The following LHFPL6 variants were observed in gnomAD, a reference collection of about 807,000 sequenced individuals.
The protein encoded by LHFPL6 is LHFPL tetraspan subfamily member 6.
A neutral mutation model predicts 20.6 loss-of-function variants in LHFPL6; 9 were observed. That is an observed-to-expected ratio of 0.44 (90% CI 0.26 to 0.76). LHFPL6 has a LOEUF of 0.76. Among genes scored for constraint, LHFPL6 ranks in the 30% least tolerant of loss-of-function variants. The probability of loss-of-function intolerance (pLI) is 0.20; values close to 1 mark genes in which losing one functional copy is unlikely to be tolerated. For synonymous variants in LHFPL6, 105 were observed against 98.7 expected (o/e 1.06, Z -0.38); for missense variants, 218 against 253.5 (o/e 0.86, Z 0.95).
At chr13:39,510,027 C>T (rs1044744375) in intron 2 of LHFPL6, among the ~76,000 whole-genome samples, 3 of 152,196 alleles carry the variant, frequency 2.0e-5, no homozygotes, top group Middle Eastern at 3.2e-3. Flanking sequence ...AAAATAGGCT[C>T]TAAGACAGAA....
intron 2 of LHFPL6, among the ~76,000 whole-genome samples, chr13:39,437,969 AC>A (rs903876498): frequency 2.6e-4 from 40 of 152,274 alleles, no homozygotes; most frequent in African/African-American, 9.4e-4. Flanking sequence ...CTATAAAGAT[AC>A]CTAAAAATGT....
At chr13:39,556,119 CTGT>C (rs1871296746) in intron 2 of LHFPL6, among the ~76,000 whole-genome samples, 1 of 152,176 alleles carries the variant, frequency 6.6e-6, no homozygotes, top group Non-Finnish European at 1.5e-5. Flanking sequence ...GCCATGTTTC[CTGT>C]ACAGCCAGCA....
At chr13:39,380,577 C>T (rs2138361588) in intron 2 of LHFPL6, among the ~76,000 whole-genome samples, 1 of 149,162 alleles carries the variant, frequency 6.7e-6, no homozygotes, top group East Asian at 2.0e-4. Context: ...GTGGTGCAAT[C>T]TAAGCTCACT....
At chr13:39,564,208 C>T (rs1274896143) in intron 2 of LHFPL6, among the ~76,000 whole-genome samples, 1 of 152,160 alleles carries the variant, frequency 6.6e-6, no homozygotes, top group Non-Finnish European at 1.5e-5. Flanking sequence ...CTGTTTAGTA[C>T]ACTCTGAATA....
At chr13:39,537,256 A>G (rs1302526770) in intron 2 of LHFPL6, among the ~76,000 whole-genome samples, 1 of 152,200 alleles carries the variant, frequency 6.6e-6, no homozygotes. Context: ...CGCACACCAC[A>G]CAAGTCCACG....
chr13:39,593,205 T>C (rs904760054), intron 2 of LHFPL6, among the ~76,000 whole-genome samples: 3 of 152,198 alleles, frequency 2.0e-5, no homozygotes, highest in African/African-American at 4.8e-5. Context: ...GATGATATGA[T>C]TGTATATCTA....
chr13:39,412,924 A>G (rs1871266289), intron 2 of LHFPL6, among the ~76,000 whole-genome samples: 1 of 149,994 alleles, frequency 6.7e-6, no homozygotes, highest in South Asian at 2.1e-4. Flanking sequence ...TCCCGTCTCA[A>G]AAAAAAAAAA....
At chr13:39,426,753 T>G (rs1315074553) in intron 2 of LHFPL6, among the ~76,000 whole-genome samples, 1 of 152,202 alleles carries the variant, frequency 6.6e-6, no homozygotes, top group Non-Finnish European at 1.5e-5. Context: ...AAGATAATGT[T>G]TTAATTTTAT....
Position 39,400,739 on chromosome 13 carries a change from C to T in LHFPL6, c.386-22213G>A, listed in dbSNP as rs956584464. On this transcript the variant is annotated intron_variant, in intron 2 of 3. Transcript: ENST00000379589. The stretch of plus-strand genomic sequence containing the variant: ...CGGAGCTTGCAGTGAGCCGAGATCC[C>T]GCCACTGCACTCCAGCCTGGGCGAC... Among the ~76,000 whole-genome samples the T allele has an allele frequency of 8.6e-5, 12 of 140,194 alleles. 1 individual carries two copies. The highest frequency in any genetic ancestry group is 4.7e-4 in the South Asian group (2 of 4,300). The allele number at this position is 140,194 out of a possible 152,430, so 92.0% of individuals were successfully genotyped here.
At chr13:39,599,117 C>T (rs968552028) in intron 2 of LHFPL6, among the ~76,000 whole-genome samples, 1 of 152,124 alleles carries the variant, frequency 6.6e-6, no homozygotes, top group Non-Finnish European at 1.5e-5. Context: ...CTTCATTACA[C>T]GTTTAAAGAT....
At chr13:39,527,361 T>C (rs1870322512) in intron 2 of LHFPL6, among the ~76,000 whole-genome samples, 1 of 152,130 alleles carries the variant, frequency 6.6e-6, no homozygotes, top group Admixed American at 6.5e-5. Context: ...GAAAATATCA[T>C]GTGATAAGCA....
In LHFPL6 at chr13:39,529,685, G is replaced by A. The variant is rs145589799; in HGVS notation, c.385+71147C>T. ...TCCAACACACAAATGGGGAATCTGG[G>A]ATTTAGAAAAATTAATTAACTTGCC... On this transcript the variant is annotated intron_variant, in intron 2 of 3. Transcript: ENST00000379589. Among the ~76,000 whole-genome samples, 1,133 of 152,312 alleles carry A rather than the reference G, an allele frequency of 7.4e-3. 11 individuals are homozygous for A. The highest frequency in any genetic ancestry group is 0.01 in the Non-Finnish European group (683 of 68,030).
In LHFPL6 at chr13:39,552,679, G is replaced by A. The variant is rs148563859; in HGVS notation, c.385+48153C>T. Among the ~76,000 whole-genome samples, 12 of 152,332 alleles carry A rather than the reference G, an allele frequency of 7.9e-5. No homozygotes were observed. The East Asian group carries it at 2.3e-3, about 29-fold the overall frequency. On this transcript the variant is annotated intron_variant, in intron 2 of 3. Coordinates refer to ENST00000379589, the MANE Select transcript of LHFPL6 (RefSeq NM_005780.3). The stretch of plus-strand genomic sequence containing the variant: ...TTAATAAGAATGATAGAGAAGAACT[G>A]TAGGGACCAAGCACACCTTGCCAAG...
chr13:39,463,270 C>T (rs1872728843), intron 2 of LHFPL6, among the ~76,000 whole-genome samples: 1 of 152,146 alleles, frequency 6.6e-6, no homozygotes, highest in African/African-American at 2.4e-5. Flanking sequence ...CTACCATCAA[C>T]CCTACAACTT....
chr13:39,505,498 A>G lies in LHFPL6; in HGVS notation c.385+95334T>C, dbSNP rs538610896. On this transcript the variant is annotated intron_variant, in intron 2 of 3. Coordinates refer to ENST00000379589, the MANE Select transcript of LHFPL6 (RefSeq NM_005780.3). ...TTCAGAGGAGATACGAGAACTGTCTAAAAAAAAAAAACACATGAAGGGCTT... is the reference window on the plus strand; with the variant it reads ...TTCAGAGGAGATACGAGAACTGTCTGAAAAAAAAAAACACATGAAGGGCTT... Among the ~76,000 whole-genome samples the G allele has an allele frequency of 2.8e-5, 4 of 143,396 alleles. No individual in the cohort carries two copies. In the South Asian group the frequency reaches 8.8e-4, roughly 31 times the overall value. The allele number at this position is 143,396 out of a possible 152,430, so 94.1% of individuals were successfully genotyped here.
chr13:39,369,070 C>T (rs912097731), intron 3 of LHFPL6, among the ~76,000 whole-genome samples: 2 of 139,070 alleles, frequency 1.4e-5, no homozygotes, highest in Non-Finnish European at 3.0e-5. Flanking sequence ...AACTCAGGTA[C>T]GTCTTTTTTT....
chr13:39,343,838 A>T lies in LHFPL6; in HGVS notation c.*98T>A. 1 of 783,246 alleles carries T rather than the reference A, an allele frequency of 1.3e-6. No individual in the cohort carries two copies. 48.5% of individuals were successfully genotyped at this position (783,246 alleles called of 1,614,324 possible). On this transcript the variant is annotated 3_prime_UTR_variant, in exon 4 of 4. Transcript: ENST00000379589. Reference sequence around the variant, plus strand: ...CATTTTATTAGCATTGTATTGGATTAGAACTACTATCCCACCTTTTGAAGG... The same window carrying T: ...CATTTTATTAGCATTGTATTGGATTTGAACTACTATCCCACCTTTTGAAGG...
rs547790579 is a variant in LHFPL6, at chr13:39,460,762, T to C, written c.386-82236A>G. On this transcript the variant is annotated intron_variant, in intron 2 of 3. Transcript: ENST00000379589. ...GAAAATATTAATAGGGAGAAAAGAC[T>C]TGCTCTGTGTTTCTGCCAGTGCTTT... 1.3e-5 allele frequency among the ~76,000 whole-genome samples: 2 copies of C among 152,354 alleles called. 1 individual carries two copies. Among genetic ancestry groups the C allele is most frequent in the South Asian group, 4.1e-4 (2 of 4,824 alleles).
intron 3 of LHFPL6, among the ~76,000 whole-genome samples, chr13:39,370,877 T>A (rs1245016597): frequency 6.6e-6 from 1 of 152,178 alleles, no homozygotes; most frequent in Non-Finnish European, 1.5e-5. Context: ...GAGCTCAAAA[T>A]TTTTTTAAAA....
Sources: allele counts gnomAD v4.1 joint callset (sites outside exome capture counted in the v4.1 genomes callset), GRCh38; gene constraint gnomAD v4.1.1; transcripts MANE v1.5; gene names NCBI Gene and HGNC (gene_info 2026-07-23, HGNC 2026-07-21).